ACBD6: variants seen among roughly 807,000 people sequenced by gnomAD.
The protein encoded by ACBD6 is acyl-CoA-binding domain-containing protein 6.
Under a neutral mutation model 37.2 loss-of-function variants are expected in ACBD6, and 28 were observed. That is an observed-to-expected ratio of 0.75 (90% CI 0.56 to 1.03). ACBD6 has a LOEUF of 1.03. ACBD6 is among the 50% of genes least tolerant of loss of function. The pLI, the probability that ACBD6 is intolerant of heterozygous loss-of-function variation, is 0.00. For missense variants in ACBD6, 340 were observed against 337.4 expected (o/e 1.01, Z -0.06); for synonymous variants, 113 against 126.8 (o/e 0.89, Z 0.73).
intron 4 of ACBD6, among the ~76,000 whole-genome samples, chr1:180,413,923 A>C (rs1647969319): frequency 6.6e-6 from 1 of 152,212 alleles, no homozygotes; most frequent in Non-Finnish European, 1.5e-5. Context: ...CAAATGAAAA[A>C]ACAGGCAAAA....
intron 6 of ACBD6, among the ~76,000 whole-genome samples, chr1:180,358,331 G>A (rs1652706343): frequency 6.6e-6 from 1 of 152,138 alleles, no homozygotes; most frequent in Non-Finnish European, 1.5e-5. Flanking sequence ...GTTGGCTGAG[G>A]CAGGAGAATT....
chr1:180,476,999 A>G (rs1350702549), intron 3 of ACBD6, among the ~76,000 whole-genome samples: 2 of 152,194 alleles, frequency 1.3e-5, no homozygotes, highest in African/African-American at 4.8e-5. Context: ...GCTTTGTATA[A>G]CATTATACCC....
intron 3 of ACBD6, among the ~76,000 whole-genome samples, chr1:180,441,066 T>C (rs889203436): frequency 6.6e-6 from 1 of 152,200 alleles, no homozygotes; most frequent in Admixed American, 6.5e-5. Flanking sequence ...CTCCTGTATA[T>C]ACCCAAAAGA....
At chr1:180,393,543 T>C (rs1490176054) in intron 6 of ACBD6, among the ~76,000 whole-genome samples, 1 of 152,234 alleles carries the variant, frequency 6.6e-6, no homozygotes, top group Non-Finnish European at 1.5e-5. Context: ...CAGTCAATAA[T>C]AATGTTGTTT....
chr1:180,401,489 G>C (rs554805572), intron 5 of ACBD6, among the ~76,000 whole-genome samples: 43 of 151,696 alleles, frequency 2.8e-4, no homozygotes, highest in African/African-American at 1.0e-3. Context: ...TTAAAAAAAA[G>C]AGAAGAGATT....
chr1:180,471,793 C>G (rs1365762115), intron 3 of ACBD6, among the ~76,000 whole-genome samples: 1 of 152,020 alleles, frequency 6.6e-6, no homozygotes, highest in Non-Finnish European at 1.5e-5. Flanking sequence ...CACACCATAT[C>G]AAGAAAACTG....
intron 7 of ACBD6, among the ~76,000 whole-genome samples, chr1:180,300,923 C>T (rs1333375641): frequency 1.3e-5 from 2 of 152,072 alleles, no homozygotes; most frequent in Non-Finnish European, 2.9e-5. Flanking sequence ...ATAATGTCTT[C>T]CTTAAAAAGA....
intron 4 of ACBD6, among the ~76,000 whole-genome samples, chr1:180,419,802 C>T (rs1416325817): frequency 6.6e-6 from 1 of 152,184 alleles, no homozygotes; most frequent in Non-Finnish European, 1.5e-5. Context: ...ACCCTGTTGT[C>T]TTCACAGGCT....
chr1:180,353,783 C>A (rs866506978), intron 6 of ACBD6, among the ~76,000 whole-genome samples: 21 of 2,292 alleles, frequency 9.2e-3, no homozygotes, highest in African/African-American at 0.013. Flanking sequence ...AGTTAACAAC[C>A]ACAAAAAAAA....
At chr1:180,406,353 G>C (rs972740370) in intron 5 of ACBD6, among the ~76,000 whole-genome samples, 2 of 152,090 alleles carry the variant, frequency 1.3e-5, no homozygotes, top group African/African-American at 4.8e-5. Context: ...GTGTCACACT[G>C]TTGCTAAAAA....
intron 6 of ACBD6, among the ~76,000 whole-genome samples, chr1:180,356,111 G>T (rs907605930): frequency 1.3e-5 from 2 of 151,900 alleles, no homozygotes; most frequent in Non-Finnish European, 1.5e-5. Flanking sequence ...GACCTCAGGT[G>T]ATCCATGTGC....
intron 6 of ACBD6, among the ~76,000 whole-genome samples, chr1:180,317,427 G>A (rs868657513): frequency 2.0e-5 from 3 of 152,102 alleles, no homozygotes; most frequent in African/African-American, 7.2e-5. Flanking sequence ...GATGAACAGT[G>A]GTGATAACTG....
chr1:180,305,041 G>T (rs1008200555), intron 7 of ACBD6, among the ~76,000 whole-genome samples: 16 of 152,278 alleles, frequency 1.1e-4, no homozygotes, highest in African/African-American at 3.9e-4. Flanking sequence ...GGGAAAACTG[G>T]CTAGTCATAG....
At chr1:180,428,690 A>C (rs1648696874) in intron 4 of ACBD6, among the ~76,000 whole-genome samples, 1 of 152,224 alleles carries the variant, frequency 6.6e-6, no homozygotes, top group Non-Finnish European at 1.5e-5. Context: ...AAAATACTAG[A>C]GTATGGGAGC....
At chr1:180,349,411 AC>A (rs1652319345) in intron 6 of ACBD6, among the ~76,000 whole-genome samples, 1 of 151,496 alleles carries the variant, frequency 6.6e-6, no homozygotes, top group African/African-American at 2.4e-5. Context: ...ACCCGCCACC[AC>A]GCCTGGCTAA....
intron 6 of ACBD6, among the ~76,000 whole-genome samples, chr1:180,336,826 C>A (rs1299130041): frequency 7.2e-5 from 11 of 152,224 alleles, no homozygotes; most frequent in South Asian, 4.2e-4. Context: ...AAGGGGACAT[C>A]ACCACCAATC....
In ACBD6 at chr1:180,410,713, T is replaced by C. The variant is rs542740197; in HGVS notation, c.573+2653A>G. 3.9e-5 allele frequency among the ~76,000 whole-genome samples: 6 copies of C among 152,328 alleles called. 1 individual carries two copies. In the South Asian group the frequency reaches 1.2e-3, roughly 32 times the overall value. On this transcript the variant is annotated intron_variant, in intron 5 of 7. Transcript: ENST00000367595. ...ATATTACTGCTCATTGACAATGTGC[T>C]TGGTCATCCAAGAGTGCTCATGGAA...
intron 6 of ACBD6, among the ~76,000 whole-genome samples, chr1:180,317,507 A>AAT (rs1346767923): frequency 6.6e-6 from 1 of 152,228 alleles, no homozygotes; most frequent in Non-Finnish European, 1.5e-5. Context: ...GTAAATTCCA[A>AAT]ATATATTTTA....
At chr1:180,479,678 C>A (rs146488018) in intron 3 of ACBD6, among the ~76,000 whole-genome samples, 233 of 152,258 alleles carry the variant, frequency 1.5e-3, no homozygotes, top group African/African-American at 5.3e-3. Context: ...AACAAAATTT[C>A]ACAGGTACCC....
Sources: allele counts gnomAD v4.1 joint callset (sites outside exome capture counted in the v4.1 genomes callset), GRCh38; gene constraint gnomAD v4.1.1; transcripts MANE v1.5; gene names NCBI Gene and HGNC (gene_info 2026-07-23, HGNC 2026-07-21).